TGFA: variants seen among roughly 807,000 people sequenced by gnomAD.
The protein encoded by TGFA is protransforming growth factor alpha.
In TGFA, 12 loss-of-function variants were observed where a neutral mutation model predicts 21.7. The ratio of observed to expected loss-of-function variants is 0.55; its 90% confidence interval spans 0.35 to 0.90. TGFA has a LOEUF of 0.90. TGFA is among the 40% of genes least tolerant of loss of function. The probability of loss-of-function intolerance (pLI) is 0.01; values close to 1 mark genes in which losing one functional copy is unlikely to be tolerated. For synonymous variants in TGFA, 79 were observed against 88.1 expected, an observed-to-expected ratio of 0.90 and a Z score of 0.58; for missense variants, 178 against 210.8, an observed-to-expected ratio of 0.84 and a Z score of 0.96.
chr2:70,517,549 T>G (rs1161899365), intron 1 of TGFA, among the ~76,000 whole-genome samples: 2 of 152,180 alleles, frequency 1.3e-5, no homozygotes, highest in African/African-American at 2.4e-5. Context: ...CATAGGTGCC[T>G]CCCAACCTTC....
chr2:70,540,945 A>G (rs1325827737), intron 1 of TGFA, among the ~76,000 whole-genome samples: 4 of 152,242 alleles, frequency 2.6e-5, no homozygotes, highest in African/African-American at 9.6e-5. Context: ...AAAATGAGAT[A>G]CCATTTTGCC....
chr2:70,553,459 C>T (rs1026273411), intron 1 of TGFA: 28 of 1,410,994 alleles, frequency 2.0e-5, no homozygotes, highest in Non-Finnish European at 2.4e-5. Context: ...AGTTCAAGCC[C>T]GTTCACACTC....
chr2:70,491,173 A>G (rs1355620288), intron 2 of TGFA, among the ~76,000 whole-genome samples: 2 of 152,130 alleles, frequency 1.3e-5, no homozygotes, highest in African/African-American at 4.8e-5. Context: ...AAGTTTGCTG[A>G]GATTGGGTCT....
intron 2 of TGFA, among the ~76,000 whole-genome samples, chr2:70,498,184 C>T (rs1403324680): frequency 2.0e-5 from 3 of 152,246 alleles, no homozygotes; most frequent in African/African-American, 7.2e-5. Context: ...CTGGTCTTAC[C>T]TATTGCATAC....
intron 2 of TGFA, among the ~76,000 whole-genome samples, chr2:70,512,393 G>A (rs782541126): frequency 6.6e-5 from 10 of 152,086 alleles, no homozygotes; most frequent in Admixed American, 3.9e-4. Flanking sequence ...CAGCCAACCC[G>A]GGGGGCTTGA....
At chr2:70,531,245 G>A (rs1672806421) in intron 1 of TGFA, among the ~76,000 whole-genome samples, 1 of 152,084 alleles carries the variant, frequency 6.6e-6, no homozygotes, top group Non-Finnish European at 1.5e-5. Flanking sequence ...GTGTTTTTTT[G>A]CCTCTTACTT....
chr2:70,451,025 G>A (rs569645125), intron 5 of TGFA, among the ~76,000 whole-genome samples, 159 bp from the exon 6 acceptor site: 24 of 152,298 alleles, frequency 1.6e-4, no homozygotes, highest in African/African-American at 4.1e-4. Context: ...CAGTCTCAGG[G>A]ACCGCAACCT....
intron 2 of TGFA, among the ~76,000 whole-genome samples, chr2:70,504,518 AG>A (rs528366996): frequency 1.4e-5 from 2 of 145,110 alleles, no homozygotes; most frequent in Non-Finnish European, 3.0e-5. Context: ...ACACACACAC[AG>A]AAGATTCCAT....
chr2:70,454,878 G>A lies in TGFA; in HGVS notation c.365+1461C>T, dbSNP rs143938540. ...ACAATCTGCCAAAATTAGCTCTTAG[G>A]TCCCTCTGGGGAGGCCTGTGTGGGC... On this transcript the variant is annotated intron_variant, in intron 4 of 5. Transcript: ENST00000295400. 2.9e-3 allele frequency among the ~76,000 whole-genome samples: 444 copies of A among 152,282 alleles called. 1 individual carries two copies. The highest frequency in any genetic ancestry group is 8.9e-3 in the African/African-American group (370 of 41,554).
At chr2:70,539,848 T>C (rs1363776087) in intron 1 of TGFA, among the ~76,000 whole-genome samples, 1 of 152,218 alleles carries the variant, frequency 6.6e-6, no homozygotes, top group Non-Finnish European at 1.5e-5. Context: ...CTTAAGTTCC[T>C]TTTTCATTCT....
chr2:70,469,876 A>G (rs1324562230), intron 2 of TGFA, among the ~76,000 whole-genome samples: 1 of 152,214 alleles, frequency 6.6e-6, no homozygotes, highest in African/African-American at 2.4e-5. Flanking sequence ...TCTGTTTTGG[A>G]ACACTTCTCT....
At chr2:70,504,442 A>ATGTTTTG (rs1671841553) in intron 2 of TGFA, among the ~76,000 whole-genome samples, 1 of 75,730 alleles carries the variant, frequency 1.3e-5, no homozygotes, top group East Asian at 4.3e-4. Context: ...AAATATATAT[A>ATGTTTTG]TATATATATA....
chr2:70,466,788 C>T (rs1670578885), intron 2 of TGFA, among the ~76,000 whole-genome samples: 1 of 152,140 alleles, frequency 6.6e-6, no homozygotes, highest in Admixed American at 6.5e-5. Flanking sequence ...AACCCAAATG[C>T]CCATCAATGA....
chr2:70,553,773 G>T lies in TGFA; in HGVS notation c.-6C>A. 7.8e-7 allele frequency: 1 copy of T among 1,279,242 alleles called. No homozygotes were observed. Among genetic ancestry groups the T allele is most frequent in the Non-Finnish European group, 9.9e-7 (1 of 1,005,892 alleles). 79.2% of individuals were successfully genotyped at this position (1,279,242 alleles called of 1,614,324 possible). Reference sequence around the variant, plus strand: ...TGTCCAGCCGAGGGGACCATTTTACGGGCGGGCGGGCAGCAGGCTCTCCAG... The same window carrying T: ...TGTCCAGCCGAGGGGACCATTTTACTGGCGGGCGGGCAGCAGGCTCTCCAG... On this transcript the variant is annotated 5_prime_UTR_variant, in exon 1 of 6. Transcript: ENST00000295400.
At chr2:70,538,361 TA>T (rs1673035030) in intron 1 of TGFA, among the ~76,000 whole-genome samples, 1 of 152,244 alleles carries the variant, frequency 6.6e-6, no homozygotes, top group Non-Finnish European at 1.5e-5. Flanking sequence ...CTACATTTTA[TA>T]ATGCTATTGC....
chr2:70,553,545 A>G, intron 1 of TGFA, 183 bp downstream of exon 1: 4 of 1,371,220 alleles, frequency 2.9e-6, no homozygotes, highest in Non-Finnish European at 2.8e-6. Flanking sequence ...GCTCGACCGG[A>G]CAGTCCCCTC....
chr2:70,536,979 C>CTTTTT (rs1163558867), intron 1 of TGFA, among the ~76,000 whole-genome samples: 2 of 141,760 alleles, frequency 1.4e-5, no homozygotes, highest in East Asian at 4.2e-4. Flanking sequence ...GTTTTGTTTT[C>CTTTTT]TTTTTTCTTT....
intron 3 of TGFA, among the ~76,000 whole-genome samples, chr2:70,457,597 A>G (rs1553490802): frequency 6.7e-6 from 1 of 148,948 alleles, no homozygotes; most frequent in Non-Finnish European, 1.5e-5. Context: ...CCTGGAGTGC[A>G]GTGGCGGGAT....
At chr2:70,451,106 AGCAGAAGGAAG>A (rs782379493) in intron 5 of TGFA, among the ~76,000 whole-genome samples, 3 of 151,790 alleles carry the variant, frequency 2.0e-5, no homozygotes, top group Non-Finnish European at 4.4e-5. Flanking sequence ...AGTGAGTGAT[AGCAGAAGGAAG>A]GCAGATGGGG....
Sources: allele counts gnomAD v4.1 joint callset (sites outside exome capture counted in the v4.1 genomes callset), GRCh38; gene constraint gnomAD v4.1.1; transcripts MANE v1.5; gene names NCBI Gene and HGNC (gene_info 2026-07-23, HGNC 2026-07-21).